Variants in UIMC1 observed in about 807,000 individuals in gnomAD.
UIMC1 encodes the protein ubiquitin interaction motif containing 1.
Under a neutral mutation model 84.9 loss-of-function variants are expected in UIMC1, and 42 were observed. The ratio of observed to expected loss-of-function variants is 0.49; its 90% CI spans 0.39 to 0.64. The LOEUF (loss-of-function observed/expected upper bound fraction) is 0.64. Among genes scored for constraint, UIMC1 ranks in the 30% least tolerant of loss-of-function variants. UIMC1 has a pLI of 0.00. For synonymous variants in UIMC1, 281 were observed against 293.0 expected (o/e 0.96, Z 0.42); for missense variants, 825 against 847.6 (o/e 0.97, Z 0.33).
chr5:176,995,816 C>G (rs1213710645), intron 1 of UIMC1, among the ~76,000 whole-genome samples: 1 of 143,684 alleles, frequency 7.0e-6, no homozygotes, highest in Non-Finnish European at 1.5e-5. Context: ...GCACTCCAGC[C>G]TGGGCAACAA....
In UIMC1 at chr5:176,968,794, C is replaced by T; in HGVS notation, c.961G>A (p.Gly321Arg). 1 of 1,614,144 alleles carries T rather than the reference C, an allele frequency of 6.2e-7. No homozygotes were observed. Among genetic ancestry groups the T allele is most frequent in the Non-Finnish European group, 8.5e-7 (1 of 1,180,040 alleles). The change falls in exon 6 of 15, where the codon GGG (glycine) becomes AGG (arginine). Residue 321 changes from glycine to arginine, a missense_variant. Gly to Arg is a moderately radical substitution (Grantham distance 125). Coordinates refer to ENST00000511320, the MANE Select transcript of UIMC1 (RefSeq NM_001199298.2). Reference sequence around the variant, plus strand: ...GGAGGTCTAGGTAACACTGGTTCCCCAAAACCTTTTTTATTAAGGAGCTGC... The same window carrying T: ...GGAGGTCTAGGTAACACTGGTTCCCTAAAACCTTTTTTATTAAGGAGCTGC... The part of the protein sequence containing the change: ...QRQLLNKKGF[G>R]EPVLPRPPSL...
At chr5:176,905,622 C>T in intron 14 of UIMC1, 130 bp from the exon 15 acceptor site, 1 of 824,068 alleles carries the variant, frequency 1.2e-6, no homozygotes, top group Non-Finnish European at 1.9e-6. Flanking sequence ...ATAATCCCAC[C>T]ACATATCATC....
chr5:176,972,938 T>C (rs986905186), intron 3 of UIMC1, among the ~76,000 whole-genome samples: 3 of 145,210 alleles, frequency 2.1e-5, no homozygotes, highest in Non-Finnish European at 4.5e-5. Context: ...TTTTTTGAAA[T>C]GGCGTCTCTC....
intron 8 of UIMC1, among the ~76,000 whole-genome samples, chr5:176,955,145 T>C (rs1766434500): frequency 6.6e-6 from 1 of 152,214 alleles, no homozygotes; most frequent in Admixed American, 6.5e-5. Context: ...TAATGCTTCA[T>C]ATTATACAAT....
chr5:176,988,734 A>AGT (rs1772388242), intron 1 of UIMC1, among the ~76,000 whole-genome samples: 1 of 134,258 alleles, frequency 7.4e-6, no homozygotes, highest in African/African-American at 2.9e-5. Context: ...GCCAGGCTGG[A>AGT]GTGCAGTGGT....
intron 3 of UIMC1, among the ~76,000 whole-genome samples, chr5:176,971,098 CAG>C (rs77118869): frequency 6.6e-6 from 1 of 152,216 alleles, no homozygotes; most frequent in Non-Finnish European, 1.5e-5. Flanking sequence ...CCCATGAAGG[CAG>C]AGTTTTTACC....
chr5:176,970,373 A>G (rs1769024760), intron 4 of UIMC1: 1 of 215,976 alleles, frequency 4.6e-6, no homozygotes. Flanking sequence ...TCTTCCCATA[A>G]TCCACCTCTA....
intron 2 of UIMC1, among the ~76,000 whole-genome samples, chr5:176,978,267 C>G (rs353462): frequency 0.9 from 136,322 of 152,080 alleles, 61,220 homozygotes; most frequent in East Asian, 0.99. Context: ...CAGCTACTCG[C>G]GAGGCTGAGG....
rs187700761 is a variant in UIMC1, at chr5:176,987,189, C to A, written c.-8-4566G>T. Among the ~76,000 whole-genome samples, 1,386 of 152,164 alleles carry A rather than the reference C, an allele frequency of 9.1e-3. 8 individuals are homozygous for A. The highest frequency in any genetic ancestry group is 0.025 in the South Asian group (121 of 4,824). ...GACCCAAGATCGTGCCATTGGCACT[C>A]CAGCCTGGGCGACAAGAGCGAAACT... is the stretch of plus-strand genomic sequence containing the variant. On this transcript the variant is annotated intron_variant, in intron 1 of 14. Transcript: ENST00000511320.
chr5:177,019,247 C>T (rs1028006208), intron 1 of UIMC1, among the ~76,000 whole-genome samples: 1 of 149,414 alleles, frequency 6.7e-6, no homozygotes, highest in African/African-American at 2.4e-5. Flanking sequence ...CTTTACCTTT[C>T]CTAGTCTGTT....
At chr5:177,016,834 C>T (rs1775684298) in intron 1 of UIMC1, among the ~76,000 whole-genome samples, 1 of 152,006 alleles carries the variant, frequency 6.6e-6, no homozygotes, top group Admixed American at 6.6e-5. Flanking sequence ...ACCACCCTGG[C>T]CAACATGGTA....
chr5:176,930,757 A>G (rs1474453745), intron 10 of UIMC1, among the ~76,000 whole-genome samples: 3 of 152,250 alleles, frequency 2.0e-5, no homozygotes, highest in African/African-American at 7.2e-5. Context: ...ACCAGAAAGA[A>G]GTAATGTTCA....
At chr5:176,972,993 G>A (rs966458033) in intron 3 of UIMC1, among the ~76,000 whole-genome samples, 1 of 148,512 alleles carries the variant, frequency 6.7e-6, no homozygotes, top group Non-Finnish European at 1.5e-5. Flanking sequence ...TCAGCTCACT[G>A]CAACCTCTGC....
At chr5:176,965,224 A>G (rs954866103) in intron 6 of UIMC1, among the ~76,000 whole-genome samples, 3 of 152,154 alleles carry the variant, frequency 2.0e-5, no homozygotes, top group African/African-American at 7.2e-5. Flanking sequence ...GATCGAGACC[A>G]TCCTGGCTAA....
At chr5:176,910,889 G>C (rs907059218) in intron 11 of UIMC1, among the ~76,000 whole-genome samples, 2 of 152,074 alleles carry the variant, frequency 1.3e-5, no homozygotes, top group Non-Finnish European at 2.9e-5. Context: ...TCAGGAGTTC[G>C]AGACAGCCTG....
At chr5:176,912,611 T>C (rs1760384082) in intron 10 of UIMC1, among the ~76,000 whole-genome samples, 1 of 151,964 alleles carries the variant, frequency 6.6e-6, no homozygotes, top group Non-Finnish European at 1.5e-5. Flanking sequence ...TAGTTAGGAC[T>C]ACAGGTATGT....
chr5:176,946,332 C>T (rs1765101838), intron 9 of UIMC1, among the ~76,000 whole-genome samples: 1 of 151,976 alleles, frequency 6.6e-6, no homozygotes, highest in Non-Finnish European at 1.5e-5. Flanking sequence ...ACCAACATAG[C>T]GAAACCCCAT....
At chr5:176,954,464 G>A (rs893060714) in intron 8 of UIMC1, among the ~76,000 whole-genome samples, 5 of 152,052 alleles carry the variant, frequency 3.3e-5, no homozygotes, top group Admixed American at 6.6e-5. Flanking sequence ...GGCTGAGCAC[G>A]ATGGTTCATG....
chr5:176,990,174 C>CTA (rs1242358244), intron 1 of UIMC1, among the ~76,000 whole-genome samples: 1 of 147,428 alleles, frequency 6.8e-6, no homozygotes, highest in Non-Finnish European at 1.5e-5. Context: ...GAGCGAGACT[C>CTA]TGTTACAAAA....
Sources: gnomAD v4.1 joint callset for allele counts (sites outside exome capture counted in the v4.1 genomes callset) on GRCh38, gnomAD v4.1.1 for gene constraint, MANE v1.5 for transcripts, NCBI Gene and HGNC (gene_info 2026-07-23, HGNC 2026-07-21) for gene names.